ANKS1B: variants seen among roughly 807,000 people sequenced by gnomAD.
The protein encoded by ANKS1B is ankyrin repeat and sterile alpha motif domain containing 1B.
A neutral mutation model predicts 148.3 loss-of-function variants in ANKS1B; 36 were observed. The observed-to-expected ratio is 0.24, with a 90% CI of 0.19 to 0.32. The LOEUF (loss-of-function observed/expected upper bound fraction) is 0.32, where lower values mean the gene tolerates loss of function less well. ANKS1B is among the 10% of genes least tolerant of loss of function. The probability of loss-of-function intolerance (pLI) is 1.00; values close to 1 mark genes in which losing one functional copy is unlikely to be tolerated. For synonymous variants in ANKS1B, 542 were observed against 560.8 expected (o/e 0.97, Z 0.47); for missense variants, 1,157 against 1,542.6 (o/e 0.75, Z 4.19).
At chr12:99,237,607 G>A (rs2088261038) in intron 14 of ANKS1B, among the ~76,000 whole-genome samples, 1 of 152,192 alleles carries the variant, frequency 6.6e-6, no homozygotes, top group African/African-American at 2.4e-5. Context: ...TTAACACACA[G>A]TTCTTGCAAA....
chr12:99,892,823 C>T (rs1164532136), intron 1 of ANKS1B, among the ~76,000 whole-genome samples: 1 of 152,112 alleles, frequency 6.6e-6, no homozygotes, highest in East Asian at 1.9e-4. Flanking sequence ...GGACAAAATA[C>T]TAAAATGAAG....
At chr12:99,648,664 G>C (rs1350975686) in intron 9 of ANKS1B, 1 of 1,614,160 alleles carries the variant, frequency 6.2e-7, no homozygotes. Context: ...AGACCTTTTT[G>C]TTCACTGGGA....
intron 7 of ANKS1B, among the ~76,000 whole-genome samples, chr12:99,773,599 G>T (rs988171619): frequency 6.6e-6 from 1 of 151,994 alleles, no homozygotes; most frequent in South Asian, 2.1e-4. Context: ...CAAACAATAT[G>T]CATCATCTGT....
At chr12:98,818,002 G>C (rs992604786) in intron 19 of ANKS1B, among the ~76,000 whole-genome samples, 1 of 152,088 alleles carries the variant, frequency 6.6e-6, no homozygotes, top group Non-Finnish European at 1.5e-5. Flanking sequence ...TACCAAGAGT[G>C]GGAGGAAGTA....
chr12:99,814,244 A>T (rs2068810159), intron 2 of ANKS1B, among the ~76,000 whole-genome samples: 2 of 151,694 alleles, frequency 1.3e-5, no homozygotes, highest in Non-Finnish European at 3.0e-5. Flanking sequence ...TAAGAAACAC[A>T]TGACTGTACT....
intron 12 of ANKS1B, among the ~76,000 whole-genome samples, chr12:99,254,736 T>C (rs1044013259): frequency 6.6e-6 from 1 of 152,340 alleles, no homozygotes; most frequent in South Asian, 2.1e-4. Flanking sequence ...ATATTGAGTT[T>C]ATAAAGAATG....
intron 17 of ANKS1B, among the ~76,000 whole-genome samples, chr12:98,882,325 T>G (rs2152521238): frequency 6.6e-6 from 1 of 152,246 alleles, no homozygotes; most frequent in South Asian, 2.1e-4. Flanking sequence ...AAAACAATTT[T>G]CAAAAAAATC....
chr12:99,106,322 A>G (rs2059210055), intron 15 of ANKS1B, among the ~76,000 whole-genome samples: 1 of 152,252 alleles, frequency 6.6e-6, no homozygotes, highest in Non-Finnish European at 1.5e-5. Flanking sequence ...CACAGATTAG[A>G]AGTTCTCATA....
intron 9 of ANKS1B, among the ~76,000 whole-genome samples, chr12:99,605,899 A>G (rs1266474277): frequency 2.0e-5 from 3 of 151,958 alleles, no homozygotes; most frequent in Non-Finnish European, 4.4e-5. Flanking sequence ...TAATTTTTTG[A>G]TGGAATTCCA....
chr12:99,314,271 CACAA>C (rs2083646042), intron 12 of ANKS1B, among the ~76,000 whole-genome samples: 1 of 151,112 alleles, frequency 6.6e-6, no homozygotes, highest in Non-Finnish European at 1.5e-5. Context: ...TAAGAGAGGA[CACAA>C]ACAAAAGGAA....
chr12:99,765,865 T>C (rs1756595700), intron 8 of ANKS1B, among the ~76,000 whole-genome samples: 1 of 152,162 alleles, frequency 6.6e-6, no homozygotes, highest in Non-Finnish European at 1.5e-5. Context: ...GAGTAAAATT[T>C]TTTTAACCGA....
At chr12:99,474,939 A>G (rs2096292820) in intron 10 of ANKS1B, among the ~76,000 whole-genome samples, 1 of 152,056 alleles carries the variant, frequency 6.6e-6, no homozygotes, top group African/African-American at 2.4e-5. Context: ...AAAAGCCTCT[A>G]TAAAACTCAA....
At chr12:99,691,684 A>G (rs974510247) in intron 8 of ANKS1B, among the ~76,000 whole-genome samples, 1 of 152,180 alleles carries the variant, frequency 6.6e-6, no homozygotes, top group African/African-American at 2.4e-5. Flanking sequence ...AGTCTCTAGG[A>G]AGTTCCAAAC....
chr12:99,050,028 A>G (rs1360811870), intron 17 of ANKS1B, among the ~76,000 whole-genome samples: 1 of 152,228 alleles, frequency 6.6e-6, no homozygotes, highest in Non-Finnish European at 1.5e-5. Context: ...ACAATGGTTC[A>G]GGATGTGAAC....
At chr12:99,294,959 A>G (rs1190458192) in intron 12 of ANKS1B, among the ~76,000 whole-genome samples, 2 of 152,230 alleles carry the variant, frequency 1.3e-5, no homozygotes, top group African/African-American at 4.8e-5. Flanking sequence ...TATAATTGGA[A>G]GGTTTGTAAC....
chr12:98,888,525 G>A (rs2099745247), intron 17 of ANKS1B, among the ~76,000 whole-genome samples: 1 of 152,178 alleles, frequency 6.6e-6, no homozygotes, highest in African/African-American at 2.4e-5. Flanking sequence ...ATTGTCTTTA[G>A]AATAAAACCC....
chr12:98,891,642 C>A (rs773200200), intron 17 of ANKS1B, among the ~76,000 whole-genome samples: 5 of 152,184 alleles, frequency 3.3e-5, no homozygotes, highest in Non-Finnish European at 7.4e-5. Context: ...CAGCACTGCA[C>A]TTTGAAAACA....
chr12:99,900,001 C>A (rs994451995), intron 1 of ANKS1B, among the ~76,000 whole-genome samples: 1 of 151,664 alleles, frequency 6.6e-6, no homozygotes, highest in Non-Finnish European at 1.5e-5. Flanking sequence ...CGGGTTCAAG[C>A]GATTCTCCTG....
chr12:98,947,138 G>T (rs913182428), intron 17 of ANKS1B, among the ~76,000 whole-genome samples: 2 of 152,058 alleles, frequency 1.3e-5, no homozygotes, highest in African/African-American at 4.8e-5. Context: ...GGGTTAACAG[G>T]GAGCCCTGTG....
Sources: allele counts gnomAD v4.1 joint callset (sites outside exome capture counted in the v4.1 genomes callset), GRCh38; gene constraint gnomAD v4.1.1; transcripts MANE v1.5; gene names NCBI Gene and HGNC (gene_info 2026-07-23, HGNC 2026-07-21).